CLASP1: variants seen among roughly 807,000 people sequenced by gnomAD.
CLASP1 encodes cytoplasmic linker associated protein 1, also known as CLIP-associating protein 1.
Under a neutral mutation model 192.3 loss-of-function variants are expected in CLASP1, and 38 were observed. The ratio of observed to expected loss-of-function variants is 0.20; its 90% CI spans 0.15 to 0.26. The LOEUF is 0.26. Among genes scored for constraint, CLASP1 ranks in the 10% least tolerant of loss-of-function variants. The pLI is 1.00. For synonymous variants in CLASP1, 691 were observed against 712.8 expected (o/e 0.97, Z 0.49); for missense variants, 1,433 against 1,932.5 (o/e 0.74, Z 4.85).
At chr2:121,507,448 C>T (rs2093976254) in intron 7 of CLASP1, among the ~76,000 whole-genome samples, 2 of 152,200 alleles carry the variant, frequency 1.3e-5, no homozygotes, top group South Asian at 4.1e-4. Flanking sequence ...GATCATCTTA[C>T]AAAACCAATG....
intron 1 of CLASP1, among the ~76,000 whole-genome samples, chr2:121,634,988 T>C (rs1026080563): frequency 1.3e-5 from 2 of 152,144 alleles, no homozygotes; most frequent in African/African-American, 4.8e-5. Context: ...TCCTTCCTAC[T>C]CTCCCTGGCA....
chr2:121,582,462 A>T (rs2061302669), intron 2 of CLASP1, among the ~76,000 whole-genome samples: 1 of 150,924 alleles, frequency 6.6e-6, no homozygotes, highest in Non-Finnish European at 1.5e-5. Flanking sequence ...GAGAGAAAGA[A>T]AGATACATGT....
chr2:121,599,045 A>G (rs1351496572), intron 2 of CLASP1, among the ~76,000 whole-genome samples: 2 of 151,856 alleles, frequency 1.3e-5, no homozygotes, highest in African/African-American at 2.4e-5. Flanking sequence ...TTGTATTTTT[A>G]GTAGATACGG....
intron 8 of CLASP1, among the ~76,000 whole-genome samples, chr2:121,489,866 T>A (rs567758875): frequency 3.9e-5 from 6 of 152,360 alleles, no homozygotes; most frequent in African/African-American, 1.4e-4. Context: ...CTATACCTAC[T>A]GGGAAAACTT....
At chr2:121,574,186 G>C (rs2060243168) in intron 2 of CLASP1, among the ~76,000 whole-genome samples, 1 of 152,170 alleles carries the variant, frequency 6.6e-6, no homozygotes, top group South Asian at 2.1e-4. Context: ...AAATTAGCTG[G>C]GTGTGTTGGC....
At position 121,527,905 on chromosome 2, in the gene CLASP1, G is replaced by C. The variant is rs759502554; in HGVS notation, c.379-15C>G. On this transcript the variant is annotated splice_polypyrimidine_tract_variant and intron_variant, in intron 4 of 39. Transcript: ENST00000263710. ...TCCCATACGTACTGCAGATGACAAAGAACAGGTGAGGAAAGGAGAAGACTG... is the reference window on the plus strand; with the variant it reads ...TCCCATACGTACTGCAGATGACAAACAACAGGTGAGGAAAGGAGAAGACTG... 70 of 1,602,656 alleles carry C rather than the reference G, an allele frequency of 4.4e-5. No individual in the cohort carries two copies. In the East Asian group the frequency reaches 1.6e-3, roughly 36 times the overall value.
rs539911463 is a variant in CLASP1, at chr2:121,600,025, TC to T, written c.195+5675del. Among the ~76,000 whole-genome samples the T allele has an allele frequency of 6.1e-3, 936 of 152,250 alleles. 7 individuals are homozygous for T. Among genetic ancestry groups the T allele is most frequent in the South Asian group, 0.044 (212 of 4,826 alleles). ...TAAAGGAATTATCTATTTTAAAAAT[TC>T]CAAATAAAGCCAAACTGTACCTCAG... On this transcript the variant is annotated intron_variant, in intron 2 of 39. Transcript: ENST00000263710.
chr2:121,504,479 A>T (rs918199390), intron 7 of CLASP1, among the ~76,000 whole-genome samples: 7 of 152,220 alleles, frequency 4.6e-5, no homozygotes, highest in African/African-American at 1.7e-4. Flanking sequence ...AACACTATGT[A>T]TGCCATGCAG....
chr2:121,520,326 T>C (rs566859220), intron 6 of CLASP1, among the ~76,000 whole-genome samples: 4 of 152,318 alleles, frequency 2.6e-5, no homozygotes, highest in Non-Finnish European at 5.9e-5. Flanking sequence ...AAGCAGTCTA[T>C]AAACTGATGA....
intron 2 of CLASP1, among the ~76,000 whole-genome samples, chr2:121,577,355 T>C (rs1019650586): frequency 6.6e-5 from 10 of 151,938 alleles, no homozygotes; most frequent in African/African-American, 1.9e-4. Context: ...AGGAGACAAA[T>C]TAAGTAGATC....
intron 19 of CLASP1, among the ~76,000 whole-genome samples, chr2:121,440,419 G>T (rs947113742): frequency 6.6e-6 from 1 of 152,318 alleles, no homozygotes; most frequent in East Asian, 1.9e-4. Flanking sequence ...CAACAAGCAG[G>T]CTGGGCACAG....
chr2:121,442,481 C>CT lies in CLASP1; in HGVS notation c.1912+4855dup, dbSNP rs761873166. On this transcript the variant is annotated intron_variant, in intron 19 of 39. Transcript: ENST00000263710. ...TCAAACGTACTGCCTAAATTTCTTT[C>CT]TTTTTTTTTTTTTGAGACGGAGTCT... is the stretch of plus-strand genomic sequence containing the variant. Among the ~76,000 whole-genome samples the CT allele has an allele frequency of 8.1e-3, 1,163 of 144,306 alleles. 15 individuals are homozygous for CT. Among genetic ancestry groups the CT allele is most frequent in the African/African-American group, 0.022 (884 of 39,674 alleles). 94.7% of individuals were successfully genotyped at this position (144,306 alleles called of 152,430 possible). A position where few individuals can be genotyped will look rare whatever the true frequency, so the allele number is the denominator to read the frequency against.
At chr2:121,380,603 A>C (rs1372503241) in intron 33 of CLASP1, among the ~76,000 whole-genome samples, 3 of 152,228 alleles carry the variant, frequency 2.0e-5, no homozygotes, top group Admixed American at 1.3e-4. Flanking sequence ...AACTGGAGAG[A>C]GAAGCCTGCC....
In CLASP1 at chr2:121,517,563, T is replaced by C. The variant is rs776325355; in HGVS notation, c.547-1801A>G. Among the ~76,000 whole-genome samples, 3 of 152,084 alleles carry C rather than the reference T, an allele frequency of 2.0e-5. No individual in the cohort carries two copies. In the East Asian group the frequency reaches 5.8e-4, roughly 29 times the overall value. On this transcript the variant is annotated intron_variant, in intron 6 of 39. Transcript: ENST00000263710. ...TATTTCAAGATAGGGCCTATAAGGA[T>C]GCAATTAAGGGCCGAGCATGGTGGC...
intron 2 of CLASP1, among the ~76,000 whole-genome samples, chr2:121,587,433 AC>A (rs2061848171): frequency 6.6e-6 from 1 of 151,690 alleles, no homozygotes; most frequent in East Asian, 1.9e-4. Flanking sequence ...TTTCCTTAAC[AC>A]CTCACCTCCC....
intron 39 of CLASP1, among the ~76,000 whole-genome samples, chr2:121,344,814 G>A (rs937256019): frequency 2.0e-5 from 3 of 152,124 alleles, no homozygotes; most frequent in African/African-American, 4.8e-5. Flanking sequence ...ATTAGGAGAT[G>A]TGTACCTGAG....
intron 37 of CLASP1, among the ~76,000 whole-genome samples, chr2:121,352,535 A>G (rs1052753086): frequency 6.6e-6 from 1 of 152,258 alleles, no homozygotes; most frequent in African/African-American, 2.4e-5. Context: ...CTCCAGAGTT[A>G]GATGAGCATA....
chr2:121,642,851 A>T (rs1478574471), intron 1 of CLASP1, among the ~76,000 whole-genome samples: 1 of 152,224 alleles, frequency 6.6e-6, no homozygotes, highest in African/African-American at 2.4e-5. Context: ...AACATGCAAG[A>T]CCTAAAATTA....
intron 2 of CLASP1, among the ~76,000 whole-genome samples, chr2:121,582,027 G>A (rs928066915): frequency 9.9e-5 from 15 of 152,086 alleles, no homozygotes; most frequent in African/African-American, 3.6e-4. Context: ...GCCAGGTGTG[G>A]TGGCAGGTGT....
Sources: allele counts gnomAD v4.1 joint callset (sites outside exome capture counted in the v4.1 genomes callset), GRCh38; gene constraint gnomAD v4.1.1; transcripts MANE v1.5; gene names NCBI Gene and HGNC (gene_info 2026-07-23, HGNC 2026-07-21).